The following MON1B variants were observed in gnomAD, a reference collection of about 807,000 sequenced individuals.
The protein encoded by MON1B is vacuolar fusion protein MON1 homolog B.
Under a neutral mutation model 45.1 loss-of-function variants are expected in MON1B, and 26 were observed. That is an observed-to-expected ratio of 0.58 (90% confidence interval 0.42 to 0.80). MON1B has a LOEUF of 0.80. Ranked by LOEUF, MON1B falls within the 30% of genes least tolerant of loss-of-function variation. MON1B has a pLI of 0.00. For synonymous variants in MON1B, 395 were observed against 320.2 expected, an observed-to-expected ratio of 1.23 and a Z score of -2.49; for missense variants, 737 against 754.5, an observed-to-expected ratio of 0.98 and a Z score of 0.27.
Position 77,199,374 on chromosome 16 carries a change from A to C in MON1B, c.*1066A>C. ...CCGCGGGTTGCACGCATGCGTGCTG[A>C]AAAGCCTTTCACCCTCACGTGGTTT... On this transcript the variant is annotated 3_prime_UTR_variant, in exon 6 of 6. Transcript: ENST00000248248. The C allele has an allele frequency of 6.9e-7, 1 of 1,456,212 alleles. No homozygotes were observed. The highest frequency in any genetic ancestry group is 9.4e-7 in the Non-Finnish European group (1 of 1,065,066). The allele number at this position is 1,456,212 out of a possible 1,614,324, so 90.2% of individuals were successfully genotyped here. A position where few individuals can be genotyped will look rare whatever the true frequency, so the allele number is the denominator to read the frequency against.
intron 5 of MON1B, among the ~76,000 whole-genome samples, chr16:77,197,725 T>C (rs533942324): frequency 1.3e-5 from 2 of 152,284 alleles, no homozygotes; most frequent in East Asian, 3.9e-4. Context: ...GAGGCATAAA[T>C]TGAGTTCCTC....
chr16:77,194,709 C>T lies in MON1B; in HGVS notation c.850C>T (p.Leu284Phe). The change falls in exon 4 of 6, where the codon CTT becomes TTT. Residue 284 changes from leucine (L) to phenylalanine (F), a missense_variant. Transcript: ENST00000248248. The surrounding 1 kb of genome is among the most constrained non-coding windows in gnomAD (Gnocchi z 8.1). ...ALSVLAVGGR[L>F]ITAAQERNVL... ...GTCAGTGCTGGCAGTAGGCGGTCGA[C>T]TTATAACAGCAGCCCAGGAGCGAAA... 1.2e-6 allele frequency: 2 copies of T among 1,613,882 alleles called. No individual in the cohort carries two copies. Among genetic ancestry groups the T allele is most frequent in the Non-Finnish European group, 1.7e-6 (2 of 1,179,872 alleles).
Position 77,199,539 on chromosome 16 carries a change from C to G in MON1B, c.*1231C>G. 6.6e-7 allele frequency: 1 copy of G among 1,522,052 alleles called. No homozygotes were observed. Among genetic ancestry groups the G allele is most frequent in the Non-Finnish European group, 8.9e-7 (1 of 1,120,640 alleles). The allele number at this position is 1,522,052 out of a possible 1,614,324, so 94.3% of individuals were successfully genotyped here. A position where few individuals can be genotyped will look rare whatever the true frequency, so the allele number is the denominator to read the frequency against. On this transcript the variant is annotated 3_prime_UTR_variant, in exon 6 of 6. Transcript: ENST00000248248. ...TAGTGAGGGCAAGTGGGCTGCACTC[C>G]TTTCTCTCCAACCAGGGCAGAAAGG...
In MON1B at chr16:77,200,627, G is replaced by T. The variant is rs1465204052; in HGVS notation, c.*2319G>T. The T allele has an allele frequency of 1.3e-5, 2 of 151,744 alleles. No individual in the cohort carries two copies. Among genetic ancestry groups the T allele is most frequent in the African/African-American group, 4.8e-5 (2 of 41,276 alleles). The allele number at this position is 151,744 out of a possible 1,614,324, so 9.4% of individuals were successfully genotyped here. On this transcript the variant is annotated 3_prime_UTR_variant, in exon 6 of 6. Coordinates refer to ENST00000248248, the MANE Select transcript of MON1B (RefSeq NM_014940.4). ...AAAAATTGTCCGGGTGTGGTGGCGG[G>T]CGCCTGTAGTCCCAGCTACTGGGGA...
chr16:77,195,682 G>C lies in MON1B; in HGVS notation c.1443G>C (p.Trp481Cys). Reference protein sequence around the residue: ...HVAEKETLLAWVTSKFELYTC... With the variant: ...HVAEKETLLACVTSKFELYTC... ...CTGAGAAGGAGACACTACTGGCCTGGGTAAGTTGGGCAGGGCTCTGAGTGA... is the reference window on the plus strand; with the variant it reads ...CTGAGAAGGAGACACTACTGGCCTGCGTAAGTTGGGCAGGGCTCTGAGTGA... The change falls in exon 5 of 6, where the codon TGG (tryptophan) becomes TGC (cysteine). Residue 481 changes from tryptophan (W) to cysteine (C), a missense_variant and splice_region_variant. Coordinates refer to ENST00000248248, the MANE Select transcript of MON1B (RefSeq NM_014940.4). The C allele has an allele frequency of 6.2e-7, 1 of 1,614,056 alleles. No homozygotes were observed. Among genetic ancestry groups the C allele is most frequent in the East Asian group, 2.2e-5 (1 of 44,864 alleles).
In MON1B at chr16:77,200,334, C is replaced by T. The variant is rs543401589; in HGVS notation, c.*2026C>T. On this transcript the variant is annotated 3_prime_UTR_variant, in exon 6 of 6. Transcript: ENST00000248248. ...GGGCGCGGTGGTGTGGGCCTGTAAT[C>T]GCAGCTACTCAGGAAGCTGAGGCAG... The T allele has an allele frequency of 6.1e-5, 9 of 146,430 alleles. No homozygotes were observed. In the East Asian group the frequency reaches 1.6e-3, roughly 26 times the overall value. 9.1% of individuals were successfully genotyped at this position (146,430 alleles called of 1,614,324 possible). A position where few individuals can be genotyped will look rare whatever the true frequency, so the allele number is the denominator to read the frequency against.
Position 77,200,291 on chromosome 16 carries a change from T to TATACATATATATATATATAC in MON1B, c.*1984_*1985insTACATATATATATATATACA. 17 of 111,438 alleles carry TATACATATATATATATATAC rather than the reference T, an allele frequency of 1.5e-4. No homozygotes were observed. The highest frequency in any genetic ancestry group is 1.3e-3 in the East Asian group (6 of 4,574). The allele number at this position is 111,438 out of a possible 1,614,324, so 6.9% of individuals were successfully genotyped here. A position where few individuals can be genotyped will look rare whatever the true frequency, so the allele number is the denominator to read the frequency against. ...ATATATGTGTATATATATATATATATACACACACTAATCAGCCGGGCGCGG... is the reference window on the plus strand; with the variant it reads ...ATATATGTGTATATATATATATATATATACATATATATATATATACACACACACTAATCAGCCGGGCGCGG... On this transcript the variant is annotated 3_prime_UTR_variant, in exon 6 of 6. Transcript: ENST00000248248.
intron 5 of MON1B, among the ~76,000 whole-genome samples, chr16:77,197,676 G>A (rs2054679906): frequency 6.6e-6 from 1 of 152,118 alleles, no homozygotes; most frequent in Non-Finnish European, 1.5e-5. Context: ...CAGGAAAGGC[G>A]CTAGTGACCT....
At chr16:77,195,285 G>A in intron 4 of MON1B, 131 bp downstream of exon 4, 3 of 1,063,874 alleles carry the variant, frequency 2.8e-6, no homozygotes, top group Admixed American at 5.7e-5. Flanking sequence ...ACAAGTCTCT[G>A]TCTGATGATG....
In MON1B at chr16:77,199,768, C is replaced by A. The variant is rs1306104506; in HGVS notation, c.*1460C>A. The A allele has an allele frequency of 5.1e-6, 2 of 390,726 alleles. No individual in the cohort carries two copies. Among genetic ancestry groups the A allele is most frequent in the Non-Finnish European group, 4.6e-6 (1 of 218,896 alleles). The allele number at this position is 390,726 out of a possible 1,614,324, so 24.2% of individuals were successfully genotyped here. On this transcript the variant is annotated 3_prime_UTR_variant, in exon 6 of 6. Transcript: ENST00000248248. ...TGTTGAAAGTAAACAACATGTAGTT[C>A]AGTACGAAAGTCTTCAAACAAAAGT...
In MON1B at chr16:77,193,625, A is replaced by G. The variant is rs368320717; in HGVS notation, c.323A>G (p.Gln108Arg). Residue 108 changes from glutamine to arginine, a missense_variant, in exon 3 of 6, where the codon CAG (glutamine) becomes CGG (arginine). Coordinates refer to ENST00000248248, the MANE Select transcript of MON1B (RefSeq NM_014940.4). This position sits in a 1 kb window ranked among gnomAD's most constrained non-coding sequence, Gnocchi z 5.0. ...GDPSDEEWRS[Q>R]RKHVFVLSEA... ...CCCAGTGATGAGGAGTGGCGCAGCC[A>G]GCGGAAGCATGTGTTTGTGCTGAGT... The G allele has an allele frequency of 1.2e-6, 2 of 1,614,004 alleles. No homozygotes were observed. Among genetic ancestry groups the G allele is most frequent in the African/African-American group, 2.7e-5 (2 of 74,928 alleles).
At position 77,191,246 on chromosome 16, in the gene MON1B, G is replaced by A; in HGVS notation, c.-23G>A. On this transcript the variant is annotated 5_prime_UTR_variant, in exon 1 of 6. Coordinates refer to ENST00000248248, the MANE Select transcript of MON1B (RefSeq NM_014940.4). ...AATGGTATCCGGCCAATTGAGATTC[G>A]GAGTTAAAACAGGTGTTTGTATATC... is the stretch of plus-strand genomic sequence containing the variant. 6.5e-6 allele frequency: 10 copies of A among 1,537,748 alleles called. No homozygotes were observed. Among genetic ancestry groups the A allele is most frequent in the Non-Finnish European group, 8.7e-6 (10 of 1,146,926 alleles).
Position 77,199,319 on chromosome 16 carries a change from A to C in MON1B, c.*1011A>C. 2.5e-6 allele frequency: 2 copies of C among 814,612 alleles called. No homozygotes were observed. Among genetic ancestry groups the C allele is most frequent in the South Asian group, 3.5e-5 (2 of 57,946 alleles). 50.5% of individuals were successfully genotyped at this position (814,612 alleles called of 1,614,324 possible). A position where few individuals can be genotyped will look rare whatever the true frequency, so the allele number is the denominator to read the frequency against. On this transcript the variant is annotated 3_prime_UTR_variant, in exon 6 of 6. Transcript: ENST00000248248. ...CGCAGTGTGTTCTGCGCCTGCCCAG[A>C]GCTGACTCCTGATTTAACCGCTGGC...
rs767351438 is a variant in MON1B at position 77,194,681 on chromosome 16, G to A, written c.822G>A (p.Ala274=). The A allele has an allele frequency of 5.6e-6, 9 of 1,613,790 alleles. No homozygotes were observed. The highest frequency in any genetic ancestry group is 3.3e-5 in the Admixed American group (2 of 59,998). Residue 274 remains alanine, a synonymous_variant, in exon 4 of 6, where the codon GCG becomes GCA. Coordinates refer to ENST00000248248, the MANE Select transcript of MON1B (RefSeq NM_014940.4). This position sits in a 1 kb window ranked among gnomAD's most constrained non-coding sequence, Gnocchi z 8.1. ...GACGTTGCACAGCGCCTGGCCTGGC[G>A]CTGTCAGTGCTGGCAGTAGGCGGTC... is the stretch of plus-strand genomic sequence containing the variant. ...LLRRCTAPGL[A]LSVLAVGGRL...
chr16:77,193,375 T>C lies in MON1B; in HGVS notation c.149-76T>C, dbSNP rs575728512. The C allele has an allele frequency of 2.0e-5, 28 of 1,388,580 alleles. No homozygotes were observed. In the African/African-American group the frequency reaches 4.1e-4, roughly 20 times the overall value. The allele number at this position is 1,388,580 out of a possible 1,614,324, so 86.0% of individuals were successfully genotyped here. A position where few individuals can be genotyped will look rare whatever the true frequency, so the allele number is the denominator to read the frequency against. Reference sequence around the variant, plus strand: ...CAGGGGTCATGGAGGGGCTAGTAGATATTTGGTGGGTCCTTGGGGATGTGG... The same window carrying C: ...CAGGGGTCATGGAGGGGCTAGTAGACATTTGGTGGGTCCTTGGGGATGTGG... On this transcript the variant is annotated intron_variant, in intron 2 of 5. Coordinates refer to ENST00000248248, the MANE Select transcript of MON1B (RefSeq NM_014940.4). This position sits in a 1 kb window ranked among gnomAD's most constrained non-coding sequence, Gnocchi z 5.0.
Position 77,193,882 on chromosome 16 carries a change from T to C in MON1B, c.475+105T>C. On this transcript the variant is annotated intron_variant, in intron 3 of 5. Transcript: ENST00000248248. The surrounding 1 kb of genome is among the most constrained non-coding windows in gnomAD (Gnocchi z 5.0). ...CACTATCCAGCCAGCCAGGGTTGGG[T>C]CCATGTGTGTGGATGGTCAGCCAGA... The C allele has an allele frequency of 8.2e-7, 1 of 1,215,190 alleles. No individual in the cohort carries two copies. 75.3% of individuals were successfully genotyped at this position (1,215,190 alleles called of 1,614,324 possible).
In MON1B at chr16:77,197,289, G is replaced by A. The variant is rs148247940; in HGVS notation, c.1444-819G>A. 2.8e-3 allele frequency among the ~76,000 whole-genome samples: 424 copies of A among 151,962 alleles called. 1 individual carries two copies. Among genetic ancestry groups the A allele is most frequent in the African/African-American group, 9.9e-3 (408 of 41,410 alleles). ...GCATGCGCTTGTATCCCAGCTACTC[G>A]GGAGGCTGAGGCAGGAGAATCGCTT... is the stretch of plus-strand genomic sequence containing the variant. On this transcript the variant is annotated intron_variant, in intron 5 of 5. Transcript: ENST00000248248.
Position 77,193,423 on chromosome 16 carries a change from A to G in MON1B, c.149-28A>G. On this transcript the variant is annotated intron_variant, in intron 2 of 5. Transcript: ENST00000248248. The surrounding 1 kb of genome is among the most constrained non-coding windows in gnomAD (Gnocchi z 5.0). ...TGGGATTAGTTAGGAGTTCACATGC[A>G]GATGACCCACCAGGGGCTCCCTTTC... is the stretch of plus-strand genomic sequence containing the variant. 1 of 1,527,512 alleles carries G rather than the reference A, an allele frequency of 6.5e-7. No homozygotes were observed. The highest frequency in any genetic ancestry group is 1.3e-5 in the South Asian group (1 of 77,340). 94.6% of individuals were successfully genotyped at this position (1,527,512 alleles called of 1,614,324 possible).
In MON1B at chr16:77,194,660, T is replaced by G; in HGVS notation, c.801T>G (p.Arg267=). The change falls in exon 4 of 6, where the codon CGT becomes CGG. Residue 267 remains arginine, a synonymous_variant. Coordinates refer to ENST00000248248, the MANE Select transcript of MON1B (RefSeq NM_014940.4). The surrounding 1 kb of genome is among the most constrained non-coding windows in gnomAD (Gnocchi z 8.1). ...LRDALGALLR[R]CTAPGLALSV... ...ACGCACTAGGTGCGCTCCTCCGACG[T>G]TGCACAGCGCCTGGCCTGGCGCTGT... The G allele has an allele frequency of 6.2e-7, 1 of 1,613,860 alleles. No homozygotes were observed. Among genetic ancestry groups the G allele is most frequent in the South Asian group, 1.1e-5 (1 of 91,062 alleles).
Sources: gnomAD v4.1 joint callset for allele counts (sites outside exome capture counted in the v4.1 genomes callset) on GRCh38, gnomAD v4.1.1 for gene constraint, Gnocchi (gnomAD v3.1) non-coding constraint, MANE v1.5 for transcripts, NCBI Gene and HGNC (gene_info 2026-07-23, HGNC 2026-07-21) for gene names.